ASAP3: variants seen among roughly 807,000 people sequenced by gnomAD.
ASAP3 encodes the protein arf-GAP with SH3 domain, ANK repeat and PH domain-containing protein 3.
In ASAP3, 85 loss-of-function variants were observed where a neutral mutation model predicts 118.2. That is an observed-to-expected ratio of 0.72 (90% CI 0.60 to 0.86). ASAP3 has a LOEUF of 0.86. ASAP3 is among the 40% of genes least tolerant of loss of function. The pLI, the probability that ASAP3 is intolerant of heterozygous loss-of-function variation, is 0.00. For synonymous variants in ASAP3, 432 were observed against 477.4 expected, an observed-to-expected ratio of 0.90 and a Z score of 1.24; for missense variants, 1,026 against 1,175.0, an observed-to-expected ratio of 0.87 and a Z score of 1.85.
chr1:23,431,486 G>T (rs1640429519), intron 23 of ASAP3, among the ~76,000 whole-genome samples: 1 of 152,178 alleles, frequency 6.6e-6, no homozygotes, highest in Admixed American at 6.5e-5. Context: ...GAGGATCCCT[G>T]GCTCCTCCTC....
upstream of ASAP3, chr1:23,484,236 C>G: frequency 8.9e-7 from 1 of 1,117,692 alleles, no homozygotes; most frequent in Admixed American, 4.5e-5. Context: ...TCCCGGCCTC[C>G]ACACGCCCCG....
At chr1:23,459,445 C>T (rs971604506) in intron 1 of ASAP3, among the ~76,000 whole-genome samples, 5 of 152,106 alleles carry the variant, frequency 3.3e-5, no homozygotes, top group Non-Finnish European at 7.3e-5. Flanking sequence ...TTTGTTCTAG[C>T]CAGAGTCGAC....
At chr1:23,459,578 A>G (rs909643714) in intron 1 of ASAP3, among the ~76,000 whole-genome samples, 1 of 152,216 alleles carries the variant, frequency 6.6e-6, no homozygotes, top group Admixed American at 6.5e-5. Context: ...ACTGACTGAA[A>G]TGCTAAAGCT....
chr1:23,441,401 G>A lies in ASAP3; in HGVS notation c.820C>T (p.Leu274Phe). 6.2e-7 allele frequency: 1 copy of A among 1,614,120 alleles called. No individual in the cohort carries two copies. Among genetic ancestry groups the A allele is most frequent in the Non-Finnish European group, 8.5e-7 (1 of 1,180,014 alleles). Residue 274 changes from leucine to phenylalanine, a missense_variant, in exon 9 of 25, where the codon CTT becomes TTT. Coordinates refer to ENST00000336689, the MANE Select transcript of ASAP3 (RefSeq NM_017707.4). ...LRDSLRGTLQ[L>F]ESREEHLSRK... is the part of the protein sequence containing the mutation. ...CAGGGGCTGACCTCTCTGCTCTCAAGCTGCAGTGTCCCTCGGAGGGAGTCC... is the reference window on the plus strand; with the variant it reads ...CAGGGGCTGACCTCTCTGCTCTCAAACTGCAGTGTCCCTCGGAGGGAGTCC...
intron 1 of ASAP3, among the ~76,000 whole-genome samples, chr1:23,456,476 G>A (rs1641391534): frequency 6.6e-6 from 1 of 152,188 alleles, no homozygotes; most frequent in Non-Finnish European, 1.5e-5. Flanking sequence ...TACGTGGCAT[G>A]ACAGGGTGTG....
Position 23,434,559 on chromosome 1 carries a change from A to G in ASAP3, c.1809T>C (p.Pro603=). 1 of 1,614,182 alleles carries G rather than the reference A, an allele frequency of 6.2e-7. No individual in the cohort carries two copies. The highest frequency in any genetic ancestry group is 8.5e-7 in the Non-Finnish European group (1 of 1,180,032). ...AVKVANQASL[P]LVDFIIQNGG... ...CGTTCTGGATGATGAAATCCACCAG[A>G]GGCAGGGAAGCCTGGTTGGCGACTT... Residue 603 remains proline (P), a synonymous_variant, in exon 18 of 25, where the codon CCT becomes CCC. Coordinates refer to ENST00000336689, the MANE Select transcript of ASAP3 (RefSeq NM_017707.4).
In ASAP3 at chr1:23,433,425, C is replaced by G. The variant is rs780083743; in HGVS notation, c.2127G>C (p.Lys709Asn). ...GSDSEEDEEE[K>N]RCLLKLPAQA... is the part of the protein sequence containing the mutation. Reference sequence around the variant, plus strand: ...CCTGAGGGACAGGGCTGGGACCCACCTTCTCTTCCTCATCCTCCTCACTGT... The same window carrying G: ...CCTGAGGGACAGGGCTGGGACCCACGTTCTCTTCCTCATCCTCCTCACTGT... The change falls in exon 21 of 25, where the codon AAG becomes AAC. Residue 709 changes from lysine to asparagine, a missense_variant and splice_region_variant. Transcript: ENST00000336689. The G allele has an allele frequency of 6.2e-7, 1 of 1,614,190 alleles. No individual in the cohort carries two copies. The highest frequency in any genetic ancestry group is 8.5e-7 in the Non-Finnish European group (1 of 1,180,032).
Position 23,438,922 on chromosome 1 carries a change from C to A in ASAP3, c.1015-88G>T. On this transcript the variant is annotated intron_variant, in intron 11 of 24. Transcript: ENST00000336689. The surrounding 1 kb of genome is among the most constrained non-coding windows in gnomAD (Gnocchi z 4.9). ...TCCATTTCCCACTCTGTTAAATGGG[C>A]ATAATCATCCTGTTCCATTTGTGTT... 7.5e-7 allele frequency: 1 copy of A among 1,331,720 alleles called. No homozygotes were observed. Among genetic ancestry groups the A allele is most frequent in the Non-Finnish European group, 1.1e-6 (1 of 932,670 alleles). The allele number at this position is 1,331,720 out of a possible 1,614,324, so 82.5% of individuals were successfully genotyped here. A position where few individuals can be genotyped will look rare whatever the true frequency, so the allele number is the denominator to read the frequency against.
chr1:23,437,093 C>T lies in ASAP3; in HGVS notation c.1342+37G>A. 1 of 1,601,288 alleles carries T rather than the reference C, an allele frequency of 6.2e-7. No individual in the cohort carries two copies. The highest frequency in any genetic ancestry group is 1.1e-5 in the South Asian group (1 of 89,416). ...CTGGAGGTGCAGCCCCTCCCCTCCA[C>T]TTAAGCCTCCCTCCTGCCCCGGCCC... On this transcript the variant is annotated intron_variant, in intron 14 of 24. Transcript: ENST00000336689. The surrounding 1 kb of genome is among the most constrained non-coding windows in gnomAD (Gnocchi z 6.1).
At chr1:23,472,450 CG>C (rs1201923713) in intron 1 of ASAP3, among the ~76,000 whole-genome samples, 1 of 152,110 alleles carries the variant, frequency 6.6e-6, no homozygotes, top group African/African-American at 2.4e-5. Context: ...GCTGGGATTA[CG>C]GGTATGAGCC....
intron 1 of ASAP3, among the ~76,000 whole-genome samples, chr1:23,473,863 G>A (rs766927051): frequency 2.6e-4 from 39 of 151,526 alleles, no homozygotes; most frequent in Non-Finnish European, 4.7e-4. Context: ...TGATCCCAGG[G>A]CCCTAGCCAC....
intron 1 of ASAP3, among the ~76,000 whole-genome samples, chr1:23,475,047 C>G (rs1642083998): frequency 6.6e-6 from 1 of 152,250 alleles, no homozygotes; most frequent in South Asian, 2.1e-4. Context: ...AGTCTGGCAT[C>G]TGACCTCCTT....
intron 5 of ASAP3, among the ~76,000 whole-genome samples, chr1:23,449,913 G>A (rs577660682): frequency 3.3e-5 from 5 of 152,328 alleles, no homozygotes; most frequent in East Asian, 1.9e-4. Context: ...AAAGTCTAAC[G>A]GCTTAGTTAA....
chr1:23,462,161 C>A (rs1483893275), intron 1 of ASAP3, among the ~76,000 whole-genome samples: 1 of 151,834 alleles, frequency 6.6e-6, no homozygotes, highest in Admixed American at 6.6e-5. Context: ...GTAGCTGGGA[C>A]TATAGGCGCC....
intron 1 of ASAP3, among the ~76,000 whole-genome samples, chr1:23,458,672 C>T (rs775792687): frequency 2.0e-5 from 3 of 151,202 alleles, no homozygotes; most frequent in Non-Finnish European, 2.9e-5. Flanking sequence ...GAGGGGAGAA[C>T]GTTTCTTTCT....
In ASAP3 at chr1:23,442,396, G is replaced by A. The variant is rs1640904247; in HGVS notation, c.585+105C>T. ...ACTGGGCCTTGGTGACATCCCACAG[G>A]GCCATGTGGCCAGGACCTGAGCTGA... On this transcript the variant is annotated intron_variant, in intron 6 of 24. Coordinates refer to ENST00000336689, the MANE Select transcript of ASAP3 (RefSeq NM_017707.4). 2.0e-5 allele frequency: 32 copies of A among 1,586,490 alleles called. 1 individual carries two copies. In the South Asian group the frequency reaches 2.3e-4, roughly 11 times the overall value.
intron 1 of ASAP3, among the ~76,000 whole-genome samples, chr1:23,482,880 A>G (rs1642354586): frequency 6.6e-6 from 1 of 151,600 alleles, no homozygotes; most frequent in Non-Finnish European, 1.5e-5. Flanking sequence ...TGAACCTGGG[A>G]GGCGGAGTTT....
intron 1 of ASAP3, among the ~76,000 whole-genome samples, chr1:23,472,654 T>C (rs1329310871): frequency 1.3e-5 from 2 of 152,218 alleles, no homozygotes; most frequent in Admixed American, 1.3e-4. Context: ...CACTCACTCA[T>C]GGTAATTACC....
rs761100867 is a variant in ASAP3, at chr1:23,451,535, G to C, written c.424-7C>G. The C allele has an allele frequency of 3.1e-6, 5 of 1,613,886 alleles. No homozygotes were observed. The East Asian group carries it at 1.1e-4, about 36-fold the overall frequency. On this transcript the variant is annotated splice_polypyrimidine_tract_variant and splice_region_variant and intron_variant, in intron 4 of 24. Coordinates refer to ENST00000336689, the MANE Select transcript of ASAP3 (RefSeq NM_017707.4). ...CCAGCTGTTTTTTGGAATCCTGTGG[G>C]TTAAAAAAGGACAATTTGCCCAGAG...
Sources: gnomAD v4.1 joint callset for allele counts (sites outside exome capture counted in the v4.1 genomes callset) on GRCh38, gnomAD v4.1.1 for gene constraint, Gnocchi (gnomAD v3.1) non-coding constraint, MANE v1.5 for transcripts, NCBI Gene and HGNC (gene_info 2026-07-23, HGNC 2026-07-21) for gene names.